Variants in ANGPT1 observed in about 807,000 individuals in gnomAD.
The protein encoded by ANGPT1 is angiopoietin-1.
In ANGPT1, 17 loss-of-function variants were observed where a neutral mutation model predicts 62.2. The observed-to-expected ratio is 0.27, with a 90% CI of 0.19 to 0.41. The LOEUF is 0.41. Among genes scored for constraint, ANGPT1 ranks in the 10% least tolerant of loss-of-function variants. The pLI is 1.00. For synonymous variants in ANGPT1, 199 were observed against 198.9 expected (o/e 1.00, Z 0.00); for missense variants, 478 against 594.9 (o/e 0.80, Z 2.04).
chr8:107,450,499 T>G (rs962222276), intron 1 of ANGPT1, among the ~76,000 whole-genome samples: 1 of 151,992 alleles, frequency 6.6e-6, no homozygotes. Flanking sequence ...TTCTACATTG[T>G]GCTGTTTTGT....
chr8:107,411,315 A>T (rs1252988928), intron 1 of ANGPT1, among the ~76,000 whole-genome samples: 1 of 152,216 alleles, frequency 6.6e-6, no homozygotes, highest in Non-Finnish European at 1.5e-5. Context: ...AGCTAAATAT[A>T]AGTTGTATTA....
chr8:107,387,006 C>CA (rs1185468225), intron 1 of ANGPT1, among the ~76,000 whole-genome samples: 1 of 151,910 alleles, frequency 6.6e-6, no homozygotes, highest in African/African-American at 2.4e-5. Flanking sequence ...TGCTAGGTTA[C>CA]AAAAATAAAT....
At chr8:107,346,849 C>T (rs1214982561) in intron 2 of ANGPT1, 93 bp downstream of exon 2, 2 of 1,123,512 alleles carry the variant, frequency 1.8e-6, no homozygotes, top group East Asian at 2.4e-5. Flanking sequence ...TCCCTAATCA[C>T]AGTGCTGAAA....
At chr8:107,313,426 G>GCTGTTT (rs1563564003) in intron 4 of ANGPT1, among the ~76,000 whole-genome samples, 2 of 57,924 alleles carry the variant, frequency 3.5e-5, no homozygotes, top group East Asian at 5.4e-4. Context: ...AATGTTACTA[G>GCTGTTT]TTGTTTTTTT....
Position 107,435,188 on chromosome 8 carries a change from C to A in ANGPT1, c.297+62074G>T, listed in dbSNP as rs544477884. On this transcript the variant is annotated intron_variant, in intron 1 of 8. Transcript: ENST00000517746. ...AAATTTGATTGTGGTGCAAACTGCA[C>A]TTGTCTGTAAATTAACTAAAAGTCA... Among the ~76,000 whole-genome samples, 12 of 152,230 alleles carry A rather than the reference C, an allele frequency of 7.9e-5. No individual in the cohort carries two copies. The East Asian group carries it at 2.3e-3, about 29-fold the overall frequency.
chr8:107,254,464 C>T (rs79403167), intron 8 of ANGPT1, among the ~76,000 whole-genome samples: 3 of 151,776 alleles, frequency 2.0e-5, no homozygotes, highest in South Asian at 2.1e-4. Flanking sequence ...TGACAAAAAA[C>T]GCAATTACTT....
At chr8:107,326,867 G>GTCT (rs1048055476) in intron 3 of ANGPT1, among the ~76,000 whole-genome samples, 1 of 152,104 alleles carries the variant, frequency 6.6e-6, no homozygotes, top group Non-Finnish European at 1.5e-5. Flanking sequence ...AAAAAGCCAT[G>GTCT]TCTTCTAAGT....
chr8:107,264,485 T>G, intron 7 of ANGPT1, 134 bp from the exon 8 acceptor site: 2 of 1,089,442 alleles, frequency 1.8e-6, no homozygotes, highest in Non-Finnish European at 2.6e-6. Context: ...AACAAACCTC[T>G]AGGAGACCCA....
intron 6 of ANGPT1, among the ~76,000 whole-genome samples, chr8:107,288,153 T>G (rs1305401719): frequency 6.6e-6 from 1 of 152,162 alleles, no homozygotes; most frequent in Admixed American, 6.6e-5. Flanking sequence ...TAATGTAATA[T>G]TTTACTAAAT....
intron 3 of ANGPT1, among the ~76,000 whole-genome samples, chr8:107,325,764 T>C (rs1176877365): frequency 6.6e-6 from 1 of 152,122 alleles, no homozygotes. Flanking sequence ...TTTTTTAAAT[T>C]TTTGCATCAG....
chr8:107,401,799 G>T (rs1053124711), intron 1 of ANGPT1, among the ~76,000 whole-genome samples: 1 of 152,130 alleles, frequency 6.6e-6, no homozygotes, highest in Non-Finnish European at 1.5e-5. Flanking sequence ...GTTTTTAGAT[G>T]TCTCTCAATG....
intron 1 of ANGPT1, among the ~76,000 whole-genome samples, chr8:107,385,371 TA>T (rs1404046392): frequency 6.6e-6 from 1 of 152,106 alleles, no homozygotes; most frequent in East Asian, 1.9e-4. Context: ...GTATTCTAGG[TA>T]TTTAATTCAT....
intron 1 of ANGPT1, among the ~76,000 whole-genome samples, chr8:107,398,146 T>C (rs1816972439): frequency 6.6e-6 from 1 of 152,192 alleles, no homozygotes; most frequent in South Asian, 2.1e-4. Context: ...TGCAGCTACC[T>C]GAATAACCCA....
intron 1 of ANGPT1, among the ~76,000 whole-genome samples, chr8:107,395,876 T>G (rs1283666): frequency 0.14 from 21,008 of 152,114 alleles, 1,726 homozygotes; most frequent in South Asian, 0.2. Context: ...AGCTAGACAC[T>G]GGGGATAAAA....
chr8:107,413,498 C>CT (rs1251353926), intron 1 of ANGPT1, among the ~76,000 whole-genome samples: 4 of 151,720 alleles, frequency 2.6e-5, no homozygotes, highest in Non-Finnish European at 5.9e-5. Context: ...CCAAAAAACC[C>CT]TCAGTAACCA....
chr8:107,403,639 A>C (rs1030717582), intron 1 of ANGPT1, among the ~76,000 whole-genome samples: 5 of 152,144 alleles, frequency 3.3e-5, no homozygotes, highest in Non-Finnish European at 7.4e-5. Flanking sequence ...TCTTTGTGAT[A>C]GGATTAGAGG....
chr8:107,342,782 TACAC>T (rs751210643), intron 2 of ANGPT1, among the ~76,000 whole-genome samples: 11,205 of 138,374 alleles, frequency 0.081, 486 homozygotes, highest in Middle Eastern at 0.14. Flanking sequence ...AACTGCCTAA[TACAC>T]ACACACACAC....
chr8:107,470,843 TGA>T (rs1452095926), intron 1 of ANGPT1, among the ~76,000 whole-genome samples: 1 of 152,134 alleles, frequency 6.6e-6, no homozygotes, highest in Non-Finnish European at 1.5e-5. Context: ...AAAACCACCA[TGA>T]GATACCATCT....
intron 1 of ANGPT1, among the ~76,000 whole-genome samples, chr8:107,349,985 T>C (rs1048825504): frequency 2.0e-5 from 3 of 152,126 alleles, no homozygotes; most frequent in African/African-American, 7.2e-5. Context: ...CAACTGCCTG[T>C]ATGAGACCTG....
Sources: gnomAD v4.1 joint callset for allele counts (sites outside exome capture counted in the v4.1 genomes callset) on GRCh38, gnomAD v4.1.1 for gene constraint, MANE v1.5 for transcripts, NCBI Gene and HGNC (gene_info 2026-07-23, HGNC 2026-07-21) for gene names.